Variants in CCDC50 observed in about 807,000 individuals in gnomAD.
The protein encoded by CCDC50 is coiled-coil domain containing 50.
Under a neutral mutation model 70.2 loss-of-function variants are expected in CCDC50, and 54 were observed. The observed-to-expected ratio is 0.77, with a 90% CI of 0.62 to 0.96. The LOEUF is 0.96. Ranked by LOEUF, CCDC50 falls within the 50% of genes least tolerant of loss-of-function variation. The probability of loss-of-function intolerance (pLI) is 0.00; values close to 1 mark genes in which losing one functional copy is unlikely to be tolerated. For synonymous variants in CCDC50, 216 were observed against 198.8 expected (o/e 1.09, Z -0.73); for missense variants, 558 against 578.7 (o/e 0.96, Z 0.37).
intron 1 of CCDC50, among the ~76,000 whole-genome samples, chr3:191,346,008 A>G (rs1430825936): frequency 6.6e-6 from 1 of 152,224 alleles, no homozygotes; most frequent in African/African-American, 2.4e-5. Context: ...TCTTTGCAGT[A>G]AAGAGCTGGT....
intron 1 of CCDC50, among the ~76,000 whole-genome samples, chr3:191,334,859 TG>T (rs1355509014): frequency 6.6e-6 from 1 of 152,176 alleles, no homozygotes; most frequent in Non-Finnish European, 1.5e-5. Flanking sequence ...ATGTATCATA[TG>T]GATGCTGAGT....
intron 10 of CCDC50, among the ~76,000 whole-genome samples, chr3:191,385,813 T>C (rs1472815953): frequency 6.6e-6 from 1 of 152,128 alleles, no homozygotes; most frequent in Non-Finnish European, 1.5e-5. Flanking sequence ...TGGTGAGAGG[T>C]ATGGGTCCAG....
intron 1 of CCDC50, among the ~76,000 whole-genome samples, chr3:191,354,376 A>G (rs531882387): frequency 1.3e-5 from 2 of 152,192 alleles, no homozygotes; most frequent in African/African-American, 2.4e-5. Context: ...AACCATAGGT[A>G]TATCTATCTA....
intron 1 of CCDC50, among the ~76,000 whole-genome samples, chr3:191,334,933 AG>A (rs1718093541): frequency 1.3e-5 from 2 of 152,182 alleles, no homozygotes; most frequent in South Asian, 2.1e-4. Flanking sequence ...AGTGAACTGT[AG>A]GAAGTCACAC....
intron 6 of CCDC50, among the ~76,000 whole-genome samples, chr3:191,378,928 CTG>C (rs1248022160): frequency 2.6e-5 from 4 of 151,980 alleles, no homozygotes; most frequent in Non-Finnish European, 5.9e-5. Flanking sequence ...GTGTATGAGT[CTG>C]TGGCTTCTGA....
At chr3:191,376,130 G>C (rs17754685) in intron 6 of CCDC50, among the ~76,000 whole-genome samples, 27,220 of 152,192 alleles carry the variant, frequency 0.18, 3,058 homozygotes, top group Non-Finnish European at 0.24. Context: ...ATCAGAATCA[G>C]CTGTTAACTA....
intron 1 of CCDC50, among the ~76,000 whole-genome samples, chr3:191,332,013 G>A (rs1028016089): frequency 1.3e-5 from 2 of 152,114 alleles, no homozygotes; most frequent in Non-Finnish European, 2.9e-5. Flanking sequence ...AGATATATAT[G>A]CAGTTACAAT....
intron 4 of CCDC50, among the ~76,000 whole-genome samples, chr3:191,361,959 C>T (rs1560163161): frequency 6.6e-6 from 1 of 152,064 alleles, no homozygotes. Context: ...GTTTCCCTTT[C>T]CTCTGATCTG....
At chr3:191,360,953 G>A (rs1421468501) in intron 3 of CCDC50, 116 bp from the exon 4 acceptor site, 1 of 738,046 alleles carries the variant, frequency 1.4e-6, no homozygotes, top group African/African-American at 1.8e-5. Flanking sequence ...TGAAGATAAA[G>A]TGAGAAAAAT....
chr3:191,334,919 A>G (rs935185509), intron 1 of CCDC50, among the ~76,000 whole-genome samples: 4 of 152,210 alleles, frequency 2.6e-5, no homozygotes, highest in African/African-American at 4.8e-5. Context: ...CAAATGAATT[A>G]CTGAGTGAAC....
chr3:191,334,596 A>G (rs918895832), intron 1 of CCDC50, among the ~76,000 whole-genome samples: 5 of 152,156 alleles, frequency 3.3e-5, no homozygotes, highest in Admixed American at 6.5e-5. Context: ...GAATTGGCAC[A>G]TTGGGGCCTA....
intron 10 of CCDC50, among the ~76,000 whole-genome samples, chr3:191,386,172 A>T (rs1457963402): frequency 6.6e-6 from 1 of 150,850 alleles, no homozygotes; most frequent in African/African-American, 2.5e-5. Context: ...TGGTAATTTG[A>T]TAAGAAGTTG....
intron 6 of CCDC50, among the ~76,000 whole-genome samples, chr3:191,379,524 A>G (rs1713234028): frequency 6.6e-6 from 1 of 152,124 alleles, no homozygotes; most frequent in South Asian, 2.1e-4. Flanking sequence ...TTGTGCTCTC[A>G]ATATAGCTCT....
At chr3:191,362,319 C>T (rs1357428397) in intron 4 of CCDC50, among the ~76,000 whole-genome samples, 1 of 151,782 alleles carries the variant, frequency 6.6e-6, no homozygotes, top group Non-Finnish European at 1.5e-5. Flanking sequence ...GAGACGAGGT[C>T]TCACTATGTT....
chr3:191,376,970 T>G (rs974477030), intron 6 of CCDC50, among the ~76,000 whole-genome samples: 5 of 152,144 alleles, frequency 3.3e-5, no homozygotes, highest in African/African-American at 1.2e-4. Context: ...TTATGGCTTT[T>G]AGTTATGCTC....
At chr3:191,389,794 A>G (rs1346986180) in intron 11 of CCDC50, among the ~76,000 whole-genome samples, 192 bp downstream of exon 11, 1 of 151,950 alleles carries the variant, frequency 6.6e-6, no homozygotes, top group Non-Finnish European at 1.5e-5. Flanking sequence ...ATTTTATGTA[A>G]GATATTCTGT....
chr3:191,352,430 A>C (rs1251220869), intron 1 of CCDC50, among the ~76,000 whole-genome samples: 1 of 142,040 alleles, frequency 7.0e-6, no homozygotes, highest in East Asian at 1.9e-4. Flanking sequence ...CCTATTGTAA[A>C]TTAATTCACT....
At chr3:191,388,292 A>G (rs2108675810) in intron 10 of CCDC50, among the ~76,000 whole-genome samples, 1 of 152,280 alleles carries the variant, frequency 6.6e-6, no homozygotes, top group East Asian at 1.9e-4. Context: ...GCTGCTCCTG[A>G]TAAAAATACA....
chr3:191,330,296 A>AACACACACAC (rs3048670), intron 1 of CCDC50: 205 of 137,152 alleles, frequency 1.5e-3, no homozygotes, highest in Middle Eastern at 8.5e-3. Flanking sequence ...TTACAAACAA[A>AACACACACAC]ACACACACAC....
Sources: allele counts gnomAD v4.1 joint callset (sites outside exome capture counted in the v4.1 genomes callset), GRCh38; gene constraint gnomAD v4.1.1; transcripts MANE v1.5; gene names NCBI Gene and HGNC (gene_info 2026-07-23, HGNC 2026-07-21).